The following LCT variants were observed in gnomAD, a reference collection of about 807,000 sequenced individuals.
LCT encodes the protein lactase, also known as lactase/phlorizin hydrolase.
In LCT, 90 loss-of-function variants were observed where a neutral mutation model predicts 173.0. That is an observed-to-expected ratio of 0.52 (90% CI 0.44 to 0.62). LCT has a LOEUF of 0.62. Ranked by LOEUF, LCT falls within the 20% of genes least tolerant of loss-of-function variation. The probability of loss-of-function intolerance (pLI) is 0.00; values close to 1 mark genes in which losing one functional copy is unlikely to be tolerated. For missense variants in LCT, 1,864 were observed against 2,431.4 expected, an observed-to-expected ratio of 0.77 and a Z score of 4.91; for synonymous variants, 853 against 957.6, an observed-to-expected ratio of 0.89 and a Z score of 2.02.
At chr2:135,815,392 A>G (rs2077770747) in intron 6 of LCT, among the ~76,000 whole-genome samples, 1 of 152,194 alleles carries the variant, frequency 6.6e-6, no homozygotes, top group Non-Finnish European at 1.5e-5. Context: ...AAGGAGTGAA[A>G]CAGAAGATTT....
At chr2:135,814,825 T>G (rs1484858507) in intron 6 of LCT, among the ~76,000 whole-genome samples, 1 of 152,148 alleles carries the variant, frequency 6.6e-6, no homozygotes, top group Admixed American at 6.5e-5. Flanking sequence ...CAAGACATTT[T>G]TTTCTTTAAA....
chr2:135,822,246 C>T, intron 4 of LCT, 148 bp from the exon 5 acceptor site: 1 of 652,416 alleles, frequency 1.5e-6, no homozygotes, highest in Non-Finnish European at 2.8e-6. Flanking sequence ...GGGCTAACGA[C>T]TTTAAAAGCT....
At chr2:135,810,958 C>T (rs1178260074) in intron 7 of LCT, among the ~76,000 whole-genome samples, 3 of 151,180 alleles carry the variant, frequency 2.0e-5, no homozygotes, top group African/African-American at 7.3e-5. Context: ...ACCCAGGAGG[C>T]GGAGCTTGCA....
chr2:135,836,690 G>A lies in LCT; in HGVS notation c.480C>T (p.His160=). The change falls in exon 1 of 17, where the codon CAC becomes CAT. Residue 160 remains histidine (H), a synonymous_variant. Transcript: ENST00000264162. ...LFADYATFAF[H]SFGDLVGIWF... The stretch of plus-strand genomic sequence containing the variant: ...AGATCCCAACTAGGTCCCCGAAGGA[G>A]TGGAAGGCGAATGTGGCATAGTCGG... 6.2e-7 allele frequency: 1 copy of A among 1,614,228 alleles called. No individual in the cohort carries two copies. Among genetic ancestry groups the A allele is most frequent in the Non-Finnish European group, 8.5e-7 (1 of 1,180,044 alleles).
chr2:135,825,620 C>T (rs1030329818), intron 3 of LCT, among the ~76,000 whole-genome samples: 5 of 152,196 alleles, frequency 3.3e-5, no homozygotes, highest in Admixed American at 6.5e-5. Flanking sequence ...CGTGTGCCTC[C>T]TGCAGAACCG....
intron 11 of LCT, among the ~76,000 whole-genome samples, chr2:135,802,910 G>A (rs1321210298): frequency 6.6e-6 from 1 of 152,050 alleles, no homozygotes. Flanking sequence ...TCACGAGTTC[G>A]AGACCAGCCT....
At chr2:135,794,959 C>T (rs1280902308) in intron 13 of LCT, among the ~76,000 whole-genome samples, 184 bp from the exon 14 acceptor site, 1 of 152,126 alleles carries the variant, frequency 6.6e-6, no homozygotes, top group Non-Finnish European at 1.5e-5. Flanking sequence ...CTCCTCCAGC[C>T]AGACCATAAA....
intron 3 of LCT, among the ~76,000 whole-genome samples, chr2:135,825,719 C>T (rs552264250): frequency 1.3e-5 from 2 of 152,274 alleles, no homozygotes; most frequent in Admixed American, 6.5e-5. Context: ...GGGGAGTGGC[C>T]GCTGAGGGCC....
At chr2:135,816,415 A>G (rs1255794050) in intron 6 of LCT, among the ~76,000 whole-genome samples, 1 of 152,200 alleles carries the variant, frequency 6.6e-6, no homozygotes, top group Non-Finnish European at 1.5e-5. Context: ...TGGGAAGGAC[A>G]GAAAAGAGCC....
In LCT at chr2:135,790,339, C is replaced by A. The variant is rs1207516757; in HGVS notation, c.5335+319G>T. Among the ~76,000 whole-genome samples the A allele has an allele frequency of 1.3e-5, 2 of 152,192 alleles. No individual in the cohort carries two copies. Among genetic ancestry groups the A allele is most frequent in the East Asian group, 3.9e-4 (2 of 5,186 alleles). On this transcript the variant is annotated intron_variant, in intron 15 of 16. Coordinates refer to ENST00000264162, the MANE Select transcript of LCT (RefSeq NM_002299.4). This position sits in a 1 kb window ranked among gnomAD's most constrained non-coding sequence, Gnocchi z 4.1. Reference sequence around the variant, plus strand: ...ACCCTACAGGCAACCACACAGCCTACTCCTCCTGGGCCCTACCCAGACCAT... The same window carrying A: ...ACCCTACAGGCAACCACACAGCCTAATCCTCCTGGGCCCTACCCAGACCAT...
intron 11 of LCT, 65 bp from the exon 12 acceptor site, chr2:135,800,874 C>CA: frequency 7.7e-7 from 1 of 1,305,572 alleles, no homozygotes; most frequent in Non-Finnish European, 1.1e-6. Flanking sequence ...GATTGTTAGT[C>CA]CCTGCCTGCA....
chr2:135,789,476 A>C lies in LCT; in HGVS notation c.5563+95T>G, dbSNP rs1301379378. 3 of 824,644 alleles carry C rather than the reference A, an allele frequency of 3.6e-6. No homozygotes were observed. The African/African-American group carries it at 5.1e-5, about 14-fold the overall frequency. The allele number at this position is 824,644 out of a possible 1,614,324, so 51.1% of individuals were successfully genotyped here. ...GAATGAAGGAGATGGGGCAGCAGAGAGGAGGGTAATAAACTAGAAGAAAAC... is the reference window on the plus strand; with the variant it reads ...GAATGAAGGAGATGGGGCAGCAGAGCGGAGGGTAATAAACTAGAAGAAAAC... On this transcript the variant is annotated intron_variant, in intron 16 of 16. Transcript: ENST00000264162.
chr2:135,802,719 G>A lies in LCT; in HGVS notation c.4663+1211C>T, dbSNP rs550260665. The stretch of plus-strand genomic sequence containing the variant: ...TATTAGAGGATGGGAAGGGTAGTAG[G>A]GAGGGAGGACAGGGAGAGGTTGGTT... On this transcript the variant is annotated intron_variant, in intron 11 of 16. Transcript: ENST00000264162. Among the ~76,000 whole-genome samples the A allele has an allele frequency of 2.0e-5, 3 of 152,296 alleles. No individual in the cohort carries two copies. In the East Asian group the frequency reaches 5.8e-4, roughly 29 times the overall value.
Position 135,809,203 on chromosome 2 carries a change from A to G in LCT, c.3144T>C (p.Phe1048=). Residue 1048 remains phenylalanine, a synonymous_variant, in exon 8 of 17, where the codon TTT becomes TTC. Transcript: ENST00000264162. The surrounding 1 kb of genome is among the most constrained non-coding windows in gnomAD (Gnocchi z 5.5). ...LIDLFDSYAD[F]CFQTFGDRVK... ...CTCTATCACCAAAGGTCTGGAAACAAAAGTCTGCGTAGCTGTCAAACAAGT... is the reference window on the plus strand; with the variant it reads ...CTCTATCACCAAAGGTCTGGAAACAGAAGTCTGCGTAGCTGTCAAACAAGT... The G allele has an allele frequency of 6.2e-7, 1 of 1,614,204 alleles. No individual in the cohort carries two copies. The highest frequency in any genetic ancestry group is 1.3e-5 in the African/African-American group (1 of 75,050).
intron 14 of LCT, among the ~76,000 whole-genome samples, chr2:135,791,785 G>T (rs1313062738): frequency 6.6e-6 from 1 of 152,178 alleles, no homozygotes; most frequent in Non-Finnish European, 1.5e-5. Flanking sequence ...TGGAGGGGCT[G>T]GTTTTCAAAG....
rs377167128 is a variant in LCT at position 135,804,097 on chromosome 2, G to A, written c.4496C>T (p.Thr1499Met). 76 of 1,614,052 alleles carry A rather than the reference G, an allele frequency of 4.7e-5. No individual in the cohort carries two copies. The highest frequency in any genetic ancestry group is 1.7e-4 in the African/African-American group (13 of 75,044). ...CTCCCAGCCTCCTACATCTTGGAGC[G>A]TCTGTGGTAGGTCCCAGTGGTAAAT... Reference protein sequence around the residue: ...VTIYHWDLPQTLQDVGGWENE... With the variant: ...VTIYHWDLPQMLQDVGGWENE... The change falls in exon 11 of 17, where the codon ACG (threonine) becomes ATG (methionine). Residue 1499 changes from threonine (T) to methionine (M), a missense_variant. Around this residue, in one of 4 missense-constraint regions of LCT, gnomAD observed 514 missense variants for 750.1 expected, o/e 0.69. Coordinates refer to ENST00000264162, the MANE Select transcript of LCT (RefSeq NM_002299.4).
At position 135,836,771 on chromosome 2, in the gene LCT, G is replaced by A; in HGVS notation, c.399C>T (p.His133=). Residue 133 remains histidine, a synonymous_variant, in exon 1 of 17, where the codon CAC becomes CAT. Transcript: ENST00000264162. The part of the protein sequence containing the change: ...ARLQPMVILH[H]QTLPASTLRR... ...GGAGGGTGCTGGCAGGGAGGGTCTGGTGGTGCAGGATGACCATGGGCTGAA... is the reference window on the plus strand; with the variant it reads ...GGAGGGTGCTGGCAGGGAGGGTCTGATGGTGCAGGATGACCATGGGCTGAA... 2 of 1,614,212 alleles carry A rather than the reference G, an allele frequency of 1.2e-6. No individual in the cohort carries two copies. The highest frequency in any genetic ancestry group is 1.6e-4 in the Middle Eastern group (1 of 6,062).
intron 3 of LCT, among the ~76,000 whole-genome samples, chr2:135,824,467 G>A (rs543802840): frequency 4.0e-4 from 61 of 151,542 alleles, no homozygotes; most frequent in Non-Finnish European, 6.0e-4. Context: ...CTTGAGCCCA[G>A]GAGTTTAAGG....
chr2:135,805,181 A>T, intron 9 of LCT, 124 bp from the exon 10 acceptor site: 1 of 958,932 alleles, frequency 1.0e-6, no homozygotes, highest in Non-Finnish European at 1.6e-6. Context: ...AGCTTAAAAC[A>T]AGCACATTGG....
Sources: gnomAD v4.1 joint callset for allele counts (sites outside exome capture counted in the v4.1 genomes callset) on GRCh38, gnomAD v4.1.1 for gene constraint, gnomAD v4.1.1 regional missense constraint, Gnocchi (gnomAD v3.1) non-coding constraint, MANE v1.5 for transcripts, NCBI Gene and HGNC (gene_info 2026-07-23, HGNC 2026-07-21) for gene names.